Variants in ATG4C observed in about 807,000 individuals in gnomAD.
ATG4C encodes the protein cysteine protease ATG4C.
A neutral mutation model predicts 57.6 loss-of-function variants in ATG4C; 56 were observed. The ratio of observed to expected loss-of-function variants is 0.97; its 90% CI spans 0.78 to 1.21. ATG4C has a LOEUF of 1.21. ATG4C is among the 50% of genes most tolerant of loss of function. The pLI is 0.00. For missense variants in ATG4C, 595 were observed against 529.8 expected (o/e 1.12, Z -1.21); for synonymous variants, 157 against 174.1 (o/e 0.90, Z 0.78).
rs1572142195 is a variant in ATG4C at position 62,829,072 on chromosome 1, G to A, written c.829G>A (p.Ala277Thr). ...TTCTGATGTAATTGATAAACAGAGT[G>A]CTTCCATGACTTCTGATAATGCAGA... ...YNSDVIDKQSASMTSDNADDK... is the reference protein window; with the variant it reads ...YNSDVIDKQSTSMTSDNADDK... Residue 277 changes from alanine (A) to threonine (T), a missense_variant, in exon 7 of 11, where the codon GCT becomes ACT. Ala to Thr is a moderately conservative substitution (Grantham distance 58). Coordinates refer to ENST00000317868, the MANE Select transcript of ATG4C (RefSeq NM_032852.4). 1.9e-6 allele frequency: 3 copies of A among 1,612,258 alleles called. No individual in the cohort carries two copies. The highest frequency in any genetic ancestry group is 2.5e-6 in the Non-Finnish European group (3 of 1,178,754).
intron 10 of ATG4C, among the ~76,000 whole-genome samples, chr1:62,849,232 C>T (rs1219016280): frequency 6.6e-6 from 1 of 152,122 alleles, no homozygotes; most frequent in East Asian, 1.9e-4. Flanking sequence ...GCATGCATAC[C>T]TGCTTTGCCC....
intron 3 of ATG4C, among the ~76,000 whole-genome samples, chr1:62,810,511 G>A (rs1665046949): frequency 6.6e-6 from 1 of 152,038 alleles, no homozygotes; most frequent in African/African-American, 2.4e-5. Flanking sequence ...TATGTTGGTT[G>A]ATCTCAACCA....
intron 1 of ATG4C, among the ~76,000 whole-genome samples, chr1:62,802,196 G>A (rs1443292756): frequency 1.3e-5 from 2 of 151,680 alleles, no homozygotes; most frequent in Non-Finnish European, 2.9e-5. Context: ...CATATCCATT[G>A]TATCACCAAG....
At chr1:62,821,561 T>C (rs997056699) in intron 6 of ATG4C, among the ~76,000 whole-genome samples, 4 of 152,124 alleles carry the variant, frequency 2.6e-5, no homozygotes, top group African/African-American at 9.6e-5. Flanking sequence ...TTAGTTTATC[T>C]TATGAGGAAT....
intron 9 of ATG4C, among the ~76,000 whole-genome samples, chr1:62,838,876 C>G (rs1428111464): frequency 3.3e-5 from 5 of 151,532 alleles, no homozygotes; most frequent in Non-Finnish European, 7.4e-5. Context: ...TTTAAGTGAT[C>G]AGAGATTTAT....
At chr1:62,816,510 G>A in intron 3 of ATG4C, 65 bp from the exon 4 acceptor site, 1 of 1,102,554 alleles carries the variant, frequency 9.1e-7, no homozygotes, top group Non-Finnish European at 1.3e-6. Context: ...AGACAGTAAT[G>A]ATAATGTTTG....
intron 10 of ATG4C, among the ~76,000 whole-genome samples, chr1:62,843,918 T>A (rs965882251): frequency 6.6e-6 from 1 of 152,022 alleles, no homozygotes; most frequent in South Asian, 2.1e-4. Context: ...AAGAAGAGGG[T>A]TGAAATGAGA....
chr1:62,801,918 AC>A, intron 1 of ATG4C, among the ~76,000 whole-genome samples: 1 of 125,956 alleles, frequency 7.9e-6, no homozygotes, highest in East Asian at 2.7e-4. Flanking sequence ...AGATTGCGCC[AC>A]TGCACTCCAG....
chr1:62,804,030 C>T (rs1287297306), intron 2 of ATG4C, among the ~76,000 whole-genome samples, 168 bp downstream of exon 2: 8 of 151,570 alleles, frequency 5.3e-5, no homozygotes, highest in African/African-American at 1.9e-4. Context: ...GAAGAAAGAG[C>T]CAAGTATCAT....
At chr1:62,860,035 T>A (rs1666803130) in intron 10 of ATG4C, among the ~76,000 whole-genome samples, 1 of 152,172 alleles carries the variant, frequency 6.6e-6, no homozygotes, top group African/African-American at 2.4e-5. Flanking sequence ...TCTATAAGAT[T>A]TTTTCTATTT....
intron 1 of ATG4C, among the ~76,000 whole-genome samples, chr1:62,792,767 T>G (rs1664321853): frequency 6.6e-6 from 1 of 152,194 alleles, no homozygotes; most frequent in Non-Finnish European, 1.5e-5. Context: ...GCTGAGGGAC[T>G]GCAGTTGGCA....
At chr1:62,824,363 A>T (rs1665577871) in intron 6 of ATG4C, among the ~76,000 whole-genome samples, 1 of 152,146 alleles carries the variant, frequency 6.6e-6, no homozygotes, top group South Asian at 2.1e-4. Context: ...TATGGGAGAT[A>T]GGGGAGTTAG....
chr1:62,849,862 C>T (rs760897011), intron 10 of ATG4C, among the ~76,000 whole-genome samples: 24 of 152,032 alleles, frequency 1.6e-4, no homozygotes, highest in Non-Finnish European at 2.5e-4. Flanking sequence ...TGATTTGATA[C>T]AAGCTACGCC....
At chr1:62,785,665 A>G (rs1320927751) in intron 1 of ATG4C, among the ~76,000 whole-genome samples, 1 of 152,130 alleles carries the variant, frequency 6.6e-6, no homozygotes, top group Non-Finnish European at 1.5e-5. Context: ...TTTCTATTCC[A>G]ATTATTGCAC....
At chr1:62,827,812 C>T (rs1438214348) in intron 6 of ATG4C, among the ~76,000 whole-genome samples, 1 of 152,128 alleles carries the variant, frequency 6.6e-6, no homozygotes, top group African/African-American at 2.4e-5. Flanking sequence ...TCTCCTCCAC[C>T]CTCCATCCTC....
At chr1:62,863,169 G>A (rs1666905884) in intron 10 of ATG4C, among the ~76,000 whole-genome samples, 1 of 151,856 alleles carries the variant, frequency 6.6e-6, no homozygotes, top group African/African-American at 2.4e-5. Context: ...GGCTATAAAG[G>A]TTGTGAATAT....
chr1:62,834,035 C>T lies in ATG4C; in HGVS notation c.934-3C>T. Reference sequence around the variant, plus strand: ...CTAAATCTGTATTAATTTTTTTTGGCAGGGTATTTTAAGCCTGGAATATTG... The same window carrying T: ...CTAAATCTGTATTAATTTTTTTTGGTAGGGTATTTTAAGCCTGGAATATTG... On this transcript the variant is annotated splice_region_variant and splice_polypyrimidine_tract_variant and intron_variant, in intron 7 of 10. Transcript: ENST00000317868. 2 of 1,607,032 alleles carry T rather than the reference C, an allele frequency of 1.2e-6. No individual in the cohort carries two copies. The highest frequency in any genetic ancestry group is 1.7e-5 in the Admixed American group (1 of 58,784).
intron 3 of ATG4C, among the ~76,000 whole-genome samples, chr1:62,808,479 C>T (rs1283054692): frequency 6.6e-6 from 1 of 151,158 alleles, no homozygotes; most frequent in South Asian, 2.1e-4. Context: ...GCATTTAAGG[C>T]CAATAGATAA....
At chr1:62,826,183 A>G (rs1487934746) in intron 6 of ATG4C, among the ~76,000 whole-genome samples, 1 of 150,930 alleles carries the variant, frequency 6.6e-6, no homozygotes. Flanking sequence ...TGCTGGGATT[A>G]CAGGCGTGAC....
Sources: gnomAD v4.1 joint callset for allele counts (sites outside exome capture counted in the v4.1 genomes callset) on GRCh38, gnomAD v4.1.1 for gene constraint, MANE v1.5 for transcripts, NCBI Gene and HGNC (gene_info 2026-07-23, HGNC 2026-07-21) for gene names.